Variants in KALRN observed in about 807,000 individuals in gnomAD.
KALRN encodes the protein kalirin RhoGEF kinase.
Under a neutral mutation model 353.7 loss-of-function variants are expected in KALRN, and 70 were observed. The observed-to-expected ratio is 0.20, with a 90% CI of 0.16 to 0.24. KALRN has a LOEUF of 0.24. KALRN is among the 10% of genes least tolerant of loss of function. The probability of loss-of-function intolerance (pLI) is 1.00; values close to 1 mark genes in which losing one functional copy is unlikely to be tolerated. For synonymous variants in KALRN, 1,391 were observed against 1,434.8 expected, an observed-to-expected ratio of 0.97 and a Z score of 0.69; for missense variants, 2,791 against 3,756.7, an observed-to-expected ratio of 0.74 and a Z score of 6.72.
intron 16 of KALRN, 147 bp downstream of exon 16, chr3:124,430,922 C>A: frequency 1.0e-6 from 1 of 996,598 alleles, no homozygotes; most frequent in Non-Finnish European, 1.4e-6. Context: ...TCCTCTTACC[C>A]AAGAGTTGAT....
At position 124,511,007 on chromosome 3, in the gene KALRN, C is replaced by T. The variant is rs560723506; in HGVS notation, c.4935+14594C>T. Among the ~76,000 whole-genome samples, 208 of 152,192 alleles carry T rather than the reference C, an allele frequency of 1.4e-3. 1 individual carries two copies. The highest frequency in any genetic ancestry group is 2.6e-3 in the Non-Finnish European group (175 of 68,020). On this transcript the variant is annotated intron_variant, in intron 33 of 59. Coordinates refer to ENST00000682506, the MANE Select transcript of KALRN (RefSeq NM_001388419.1). ...TAAGTGCTGCTCTAGGGTGGAAACA[C>T]GGCAGGGAAACAAAACAGGCTGGTT...
At chr3:124,066,261 G>A (rs755834047) in intron 1 of KALRN, among the ~76,000 whole-genome samples, 2 of 152,112 alleles carry the variant, frequency 1.3e-5, no homozygotes, top group Non-Finnish European at 2.9e-5. Context: ...GGATGAAGAG[G>A]GGTGTGGAGA....
chr3:124,224,832 A>G (rs1455485515), intron 1 of KALRN, among the ~76,000 whole-genome samples: 2 of 152,182 alleles, frequency 1.3e-5, no homozygotes, highest in African/African-American at 4.8e-5. Context: ...TATGAAGAGA[A>G]GGTTTAGAAA....
At chr3:124,597,468 G>C (rs2076379802) in intron 34 of KALRN, among the ~76,000 whole-genome samples, 1 of 152,214 alleles carries the variant, frequency 6.6e-6, no homozygotes, top group Non-Finnish European at 1.5e-5. Context: ...GATGATCTGG[G>C]AGGACTCCCC....
At chr3:124,201,758 T>C (rs1053020934) in intron 1 of KALRN, among the ~76,000 whole-genome samples, 1 of 152,174 alleles carries the variant, frequency 6.6e-6, no homozygotes, top group South Asian at 2.1e-4. Flanking sequence ...CCTGGGAGTG[T>C]TTGCTTTTTG....
chr3:124,275,667 C>A (rs550918168), intron 5 of KALRN, among the ~76,000 whole-genome samples: 4 of 152,200 alleles, frequency 2.6e-5, no homozygotes, highest in Non-Finnish European at 2.9e-5. Flanking sequence ...ATGATTTACT[C>A]TTCAGTCATG....
chr3:124,574,993 C>T (rs911294681), intron 34 of KALRN, among the ~76,000 whole-genome samples: 2 of 152,240 alleles, frequency 1.3e-5, no homozygotes, highest in African/African-American at 4.8e-5. Context: ...AGAACAACTC[C>T]TCACCGAGGA....
chr3:124,594,676 A>G (rs2076108128), intron 34 of KALRN, among the ~76,000 whole-genome samples: 1 of 152,248 alleles, frequency 6.6e-6, no homozygotes, highest in Non-Finnish European at 1.5e-5. Context: ...TTCCAGGATC[A>G]GATTATATAA....
intron 1 of KALRN, among the ~76,000 whole-genome samples, chr3:124,185,404 A>C (rs937041098): frequency 2.6e-5 from 4 of 152,132 alleles, no homozygotes; most frequent in African/African-American, 9.7e-5. Context: ...AGGCAGCTTG[A>C]ATTTCTGTCC....
rs74888568 is a variant in KALRN at position 124,657,815 on chromosome 3, C to T, written c.6036+12C>T. 3,350 of 1,567,584 alleles carry T rather than the reference C, an allele frequency of 2.1e-3. 70 individuals carry two copies. In the African/African-American group the frequency reaches 0.04, roughly 19 times the overall value. ...TCTTTATTAAGCACGTGAGTGTCTC[C>T]CATCACCTCCTCCCCAACTCCTTCA... is the stretch of plus-strand genomic sequence containing the variant. On this transcript the variant is annotated intron_variant, in intron 41 of 59. Coordinates refer to ENST00000682506, the MANE Select transcript of KALRN (RefSeq NM_001388419.1).
rs1162578671 is a variant in KALRN, at chr3:124,642,809, T to TTTTTGTTGTTGTTG, written c.5664+5510_5664+5511insGTTGTTGTTGTTTT. 3.3e-4 allele frequency among the ~76,000 whole-genome samples: 29 copies of TTTTTGTTGTTGTTG among 88,340 alleles called. 2 individuals carry two copies. In the East Asian group the frequency reaches 7.3e-3, roughly 22 times the overall value. 58.0% of individuals were successfully genotyped at this position (88,340 alleles called of 152,430 possible). ...GTGGAAGAGATTCCCAAGCCTCGTT[T>TTTTTGTTGTTGTTG]TTTTTTTTTTTTTTTTTGAGACGGA... On this transcript the variant is annotated intron_variant, in intron 37 of 59. Transcript: ENST00000682506.
intron 57 of KALRN, among the ~76,000 whole-genome samples, chr3:124,702,461 G>C (rs1449892557): frequency 1.3e-5 from 2 of 151,958 alleles, no homozygotes; most frequent in African/African-American, 4.8e-5. Context: ...ATTTTTCTTT[G>C]ACCTGGTTAT....
intron 28 of KALRN, among the ~76,000 whole-genome samples, chr3:124,485,340 T>G (rs1303096410): frequency 6.6e-6 from 1 of 152,186 alleles, no homozygotes; most frequent in East Asian, 1.9e-4. Context: ...ATATAGCTTT[T>G]TACCTCTCCC....
At chr3:124,409,326 T>C (rs144785697) in intron 13 of KALRN, among the ~76,000 whole-genome samples, 1 of 152,354 alleles carries the variant, frequency 6.6e-6, no homozygotes, top group East Asian at 1.9e-4. Context: ...TCTCTCCAGA[T>C]GGAGTTAAAT....
At chr3:124,217,367 A>G (rs1024894129) in intron 1 of KALRN, among the ~76,000 whole-genome samples, 1 of 152,216 alleles carries the variant, frequency 6.6e-6, no homozygotes, top group African/African-American at 2.4e-5. Context: ...TGGCTAATCC[A>G]TCAGATATGG....
chr3:124,665,614 G>A (rs1440389012), intron 45 of KALRN, among the ~76,000 whole-genome samples: 1 of 152,012 alleles, frequency 6.6e-6, no homozygotes, highest in Non-Finnish European at 1.5e-5. Context: ...ACAGGCACAC[G>A]CCACCACCCC....
chr3:124,188,162 G>A (rs951719660), intron 1 of KALRN, among the ~76,000 whole-genome samples: 1 of 152,280 alleles, frequency 6.6e-6, no homozygotes, highest in Non-Finnish European at 1.5e-5. Flanking sequence ...AAACTTAAAC[G>A]TACGCAAGAA....
chr3:124,118,846 C>T (rs1489693176), intron 1 of KALRN, among the ~76,000 whole-genome samples: 1 of 152,336 alleles, frequency 6.6e-6, no homozygotes, highest in Non-Finnish European at 1.5e-5. Flanking sequence ...AGCATGTCCA[C>T]CATCTATCTC....
At chr3:124,646,459 C>T (rs193128776) in intron 37 of KALRN, among the ~76,000 whole-genome samples, 4 of 142,234 alleles carry the variant, frequency 2.8e-5, no homozygotes, top group African/African-American at 5.2e-5. Context: ...GGCATGATCT[C>T]GGCTCACTGC....
Sources: gnomAD v4.1 joint callset for allele counts (sites outside exome capture counted in the v4.1 genomes callset) on GRCh38, gnomAD v4.1.1 for gene constraint, MANE v1.5 for transcripts, NCBI Gene and HGNC (gene_info 2026-07-23, HGNC 2026-07-21) for gene names.